The following MAD1L1 variants were observed in gnomAD, a reference collection of about 807,000 sequenced individuals.
The protein encoded by MAD1L1 is mitotic arrest deficient 1 like 1, also known as mitotic spindle assembly checkpoint protein MAD1.
A neutral mutation model predicts 96.9 loss-of-function variants in MAD1L1; 95 were observed. The ratio of observed to expected loss-of-function variants is 0.98; its 90% CI spans 0.83 to 1.16. The LOEUF (loss-of-function observed/expected upper bound fraction) is 1.16. Among genes scored for constraint, MAD1L1 ranks in the 50% most tolerant of loss-of-function variants. MAD1L1 has a pLI of 0.00. For missense variants in MAD1L1, 1,007 were observed against 954.4 expected (o/e 1.06, Z -0.73); for synonymous variants, 473 against 396.6 (o/e 1.19, Z -2.29).
chr7:2,047,160 C>G (rs995636704), intron 12 of MAD1L1, among the ~76,000 whole-genome samples: 1 of 152,174 alleles, frequency 6.6e-6, no homozygotes, highest in African/African-American at 2.4e-5. Flanking sequence ...CTCCGTTCAC[C>G]CCAGCTCCCC....
At chr7:2,172,896 G>A (rs758525281) in intron 10 of MAD1L1, among the ~76,000 whole-genome samples, 21 of 152,364 alleles carry the variant, frequency 1.4e-4, no homozygotes, top group African/African-American at 1.7e-4. Flanking sequence ...CGTGCACACC[G>A]CGGTCTGTGC....
intron 10 of MAD1L1, among the ~76,000 whole-genome samples, chr7:2,204,797 G>C (rs1362134974): frequency 6.6e-6 from 1 of 152,096 alleles, no homozygotes; most frequent in Non-Finnish European, 1.5e-5. Context: ...GTTTCTCTTA[G>C]ATTAAATACC....
At chr7:2,125,123 GGACCTGCCACAGAAAGGTTGCGTCA>G (rs1399923652) in intron 11 of MAD1L1, among the ~76,000 whole-genome samples, 1 of 152,192 alleles carries the variant, frequency 6.6e-6, no homozygotes, top group African/African-American at 2.4e-5. Context: ...TACAGACACA[GGACCTGCCACAGAAAGGTTGCGTCA>G]GACCCCGGGT....
At chr7:2,222,554 C>A (rs756857864) in intron 5 of MAD1L1, 21 bp downstream of exon 5, 11 of 1,553,804 alleles carry the variant, frequency 7.1e-6, no homozygotes, top group Admixed American at 1.9e-5. Flanking sequence ...CAGCTCCCTG[C>A]GCAGCAGAGG....
At chr7:1,857,651 C>A (rs1784324026) in intron 18 of MAD1L1, among the ~76,000 whole-genome samples, 1 of 152,204 alleles carries the variant, frequency 6.6e-6, no homozygotes, top group Non-Finnish European at 1.5e-5. Context: ...AGGGCTGGGC[C>A]AGCTGGACAG....
At chr7:1,882,143 G>C (rs545377810) in intron 18 of MAD1L1, among the ~76,000 whole-genome samples, 1 of 152,314 alleles carries the variant, frequency 6.6e-6, no homozygotes, top group Admixed American at 6.5e-5. Flanking sequence ...AGGAGGGGCA[G>C]CCTTGGGAGG....
intron 14 of MAD1L1, among the ~76,000 whole-genome samples, chr7:1,994,927 A>G (rs872464): frequency 0.5 from 75,878 of 151,956 alleles, 21,100 homozygotes; most frequent in East Asian, 0.67. Flanking sequence ...ATTTCCACCC[A>G]CCCCAGCTTC....
chr7:2,123,213 G>A (rs763263464), intron 11 of MAD1L1, among the ~76,000 whole-genome samples: 1 of 150,154 alleles, frequency 6.7e-6, no homozygotes, highest in African/African-American at 2.4e-5. Flanking sequence ...TGAGAGGCAG[G>A]AGAATGGCAT....
chr7:2,229,631 T>C (rs546301650), intron 3 of MAD1L1, among the ~76,000 whole-genome samples: 51 of 152,340 alleles, frequency 3.3e-4, no homozygotes, highest in Non-Finnish European at 5.6e-4. Context: ...CCGACAGTCC[T>C]GGTGCTCACT....
At chr7:1,873,262 A>G (rs1003432853) in intron 18 of MAD1L1, among the ~76,000 whole-genome samples, 1 of 152,014 alleles carries the variant, frequency 6.6e-6, no homozygotes, top group Non-Finnish European at 1.5e-5. Flanking sequence ...TCCCCTCTGG[A>G]CCTCACGGGC....
chr7:2,226,559 T>C (rs567728105), intron 3 of MAD1L1, among the ~76,000 whole-genome samples: 33 of 152,332 alleles, frequency 2.2e-4, no homozygotes, highest in African/African-American at 7.5e-4. Flanking sequence ...GAGCCGGCCT[T>C]TGGGTACGAC....
intron 12 of MAD1L1, among the ~76,000 whole-genome samples, chr7:2,045,551 G>A (rs982616759): frequency 3.9e-5 from 6 of 152,212 alleles, no homozygotes; most frequent in Admixed American, 3.3e-4. Context: ...AAAAATCACC[G>A]TTGGAGGCTA....
At chr7:2,212,512 G>C (rs1462362392) in intron 10 of MAD1L1, among the ~76,000 whole-genome samples, 2 of 152,162 alleles carry the variant, frequency 1.3e-5, no homozygotes, top group Admixed American at 1.3e-4. Flanking sequence ...CTTCATGATA[G>C]TGAGTTCTCA....
At chr7:2,138,344 C>T (rs556915566) in intron 11 of MAD1L1, among the ~76,000 whole-genome samples, 4 of 152,214 alleles carry the variant, frequency 2.6e-5, no homozygotes, top group African/African-American at 7.2e-5. Flanking sequence ...GGCGGTGGGG[C>T]GGTCAGCTCT....
chr7:2,078,272 C>T (rs978392613), intron 11 of MAD1L1, among the ~76,000 whole-genome samples: 4 of 152,218 alleles, frequency 2.6e-5, no homozygotes, highest in East Asian at 1.9e-4. Context: ...GGATCCCCCA[C>T]GTCAACCCAC....
In MAD1L1 at chr7:2,206,485, A is replaced by G. The variant is rs553068780; in HGVS notation, c.986+6727T>C. On this transcript the variant is annotated intron_variant, in intron 10 of 18. Coordinates refer to ENST00000265854, the MANE Select transcript of MAD1L1 (RefSeq NM_001013836.2). ...TTAAATCTTGTGTCCAGCATGAGAC[A>G]GGTGTTAAGGCTCATCCTCACCACG... is the stretch of plus-strand genomic sequence containing the variant. Among the ~76,000 whole-genome samples, 3 of 152,370 alleles carry G rather than the reference A, an allele frequency of 2.0e-5. No homozygotes were observed. The South Asian group carries it at 6.2e-4, about 32-fold the overall frequency.
intron 16 of MAD1L1, among the ~76,000 whole-genome samples, chr7:1,954,551 G>T (rs1779641318): frequency 6.6e-6 from 1 of 152,204 alleles, no homozygotes; most frequent in South Asian, 2.1e-4. Context: ...TGGGGTCAGG[G>T]ACTGTGCCGC....
chr7:2,023,287 A>G (rs1276618202), intron 12 of MAD1L1, among the ~76,000 whole-genome samples: 3 of 152,216 alleles, frequency 2.0e-5, no homozygotes, highest in Non-Finnish European at 4.4e-5. Flanking sequence ...TTTGGGCCAT[A>G]AAACACACCT....
At chr7:1,976,237 C>G (rs191419218) in intron 15 of MAD1L1, among the ~76,000 whole-genome samples, 165 of 152,366 alleles carry the variant, frequency 1.1e-3, no homozygotes, top group East Asian at 9.5e-3. Flanking sequence ...CTTGGTCTCA[C>G]TGACTTCAAG....
Sources: gnomAD v4.1 joint callset for allele counts (sites outside exome capture counted in the v4.1 genomes callset) on GRCh38, gnomAD v4.1.1 for gene constraint, MANE v1.5 for transcripts, NCBI Gene and HGNC (gene_info 2026-07-23, HGNC 2026-07-21) for gene names.